The following MAF variants were observed in gnomAD, a reference collection of about 807,000 sequenced individuals.
MAF encodes the protein MAF bZIP transcription factor.
A neutral mutation model predicts 22.0 loss-of-function variants in MAF; 10 were observed. The ratio of observed to expected loss-of-function variants is 0.45; its 90% CI spans 0.28 to 0.77. The LOEUF (loss-of-function observed/expected upper bound fraction) is 0.77. Among genes scored for constraint, MAF ranks in the 30% least tolerant of loss-of-function variants. The pLI is 0.12. For synonymous variants in MAF, 337 were observed against 255.8 expected, an observed-to-expected ratio of 1.32 and a Z score of -3.03; for missense variants, 544 against 548.4, an observed-to-expected ratio of 0.99 and a Z score of 0.08.
the MAF span, among the ~76,000 whole-genome samples, chr16:79,381,579 T>A: frequency 7.8e-4 from 119 of 152,202 alleles, no homozygotes; most frequent in African/African-American, 2.6e-3. Context: ...TAGATGATGC[T>A]CCCCCCATTC....
chr16:79,413,408 T>TC, the MAF span, among the ~76,000 whole-genome samples: 2 of 96,584 alleles, frequency 2.1e-5, no homozygotes, highest in Admixed American at 1.2e-4. Context: ...CTCGCCCGGC[T>TC]AATTTTTTTT....
At chr16:79,332,690 A>G in the MAF span, among the ~76,000 whole-genome samples, 2 of 152,218 alleles carry the variant, frequency 1.3e-5, no homozygotes, top group Non-Finnish European at 2.9e-5. Context: ...CCTTACAGCA[A>G]TGTCATGAGC....
the MAF span, among the ~76,000 whole-genome samples, chr16:79,225,591 C>G: frequency 1.1e-4 from 16 of 152,216 alleles, no homozygotes; most frequent in Middle Eastern, 3.4e-3. Flanking sequence ...GAACAGGAAA[C>G]CTACAGAATG....
the MAF span, among the ~76,000 whole-genome samples, chr16:79,366,269 T>C: frequency 1.5e-3 from 223 of 152,276 alleles, no homozygotes; most frequent in Admixed American, 3.0e-3. Flanking sequence ...AACTGCACAC[T>C]AGACTGTCAT....
chr16:79,331,230 G>A, the MAF span, among the ~76,000 whole-genome samples: 2 of 152,162 alleles, frequency 1.3e-5, no homozygotes, highest in South Asian at 2.1e-4. Context: ...TGCCTGGCCT[G>A]GAAAACTAGA....
At chr16:79,398,629 A>G in the MAF span, among the ~76,000 whole-genome samples, 1 of 152,004 alleles carries the variant, frequency 6.6e-6, no homozygotes, top group African/African-American at 2.4e-5. Context: ...ATTTGTGTCT[A>G]TCTGTATGTG....
chr16:79,327,529 A>T, the MAF span, among the ~76,000 whole-genome samples: 1 of 152,356 alleles, frequency 6.6e-6, no homozygotes. Context: ...TGATTTGACA[A>T]GGTCACATAG....
chr16:79,510,048 T>C, the MAF span, among the ~76,000 whole-genome samples: 2 of 152,174 alleles, frequency 1.3e-5, no homozygotes, highest in Non-Finnish European at 2.9e-5. Flanking sequence ...GTCACTGGAA[T>C]CAGGTTTGTA....
the MAF span, among the ~76,000 whole-genome samples, chr16:79,401,468 A>T: frequency 3.9e-4 from 59 of 152,124 alleles, no homozygotes; most frequent in African/African-American, 1.3e-3. Context: ...TGGCATTTAA[A>T]CCCAGGGTCT....
the MAF span, among the ~76,000 whole-genome samples, chr16:79,491,244 C>A: frequency 1.9e-4 from 29 of 152,156 alleles, no homozygotes; most frequent in Non-Finnish European, 8.8e-5. Flanking sequence ...AGTAATATTA[C>A]AAATGGGGCA....
the MAF span, among the ~76,000 whole-genome samples, chr16:79,453,377 A>T: frequency 1.3e-5 from 2 of 152,204 alleles, no homozygotes; most frequent in African/African-American, 4.8e-5. Flanking sequence ...TTTTAAATTT[A>T]TCAACCAGGA....
chr16:79,357,579 G>T, the MAF span, among the ~76,000 whole-genome samples: 1 of 152,164 alleles, frequency 6.6e-6, no homozygotes, highest in Non-Finnish European at 1.5e-5. Flanking sequence ...GGGAAAGTTT[G>T]CAGTTACTGG....
the MAF span, among the ~76,000 whole-genome samples, chr16:79,328,921 C>A: frequency 4.6e-5 from 7 of 152,148 alleles, no homozygotes; most frequent in African/African-American, 1.7e-4. Context: ...AAGGGCATAA[C>A]TGGGTGCAGA....
chr16:79,345,998 C>G, the MAF span, among the ~76,000 whole-genome samples: 1 of 151,976 alleles, frequency 6.6e-6, no homozygotes, highest in African/African-American at 2.4e-5. Context: ...CATAAATCAG[C>G]AGCTTTTCTA....
At chr16:79,450,514 C>T in the MAF span, among the ~76,000 whole-genome samples, 3 of 152,168 alleles carry the variant, frequency 2.0e-5, no homozygotes, top group East Asian at 5.8e-4. Context: ...GAGGCTTTTC[C>T]CCCAACCCCC....
At chr16:79,593,159 G>T (rs947901055), downstream of MAF, among the ~76,000 whole-genome samples, 1 of 152,170 alleles carries the variant, frequency 6.6e-6, no homozygotes, top group Admixed American at 6.5e-5. Context: ...TATATTGATT[G>T]GCCTAGTAGA....
At chr16:79,476,767 A>C in the MAF span, among the ~76,000 whole-genome samples, 2 of 152,190 alleles carry the variant, frequency 1.3e-5, no homozygotes, top group Non-Finnish European at 2.9e-5. Context: ...TTGGAGTCAC[A>C]TGGTACCAGG....
At chr16:79,327,315 T>C in the MAF span, among the ~76,000 whole-genome samples, 1 of 152,252 alleles carries the variant, frequency 6.6e-6, no homozygotes, top group South Asian at 2.1e-4. Flanking sequence ...GTTTTCTGGG[T>C]AGTTCTCTCA....
At chr16:79,484,743 T>C in the MAF span, among the ~76,000 whole-genome samples, 2 of 152,300 alleles carry the variant, frequency 1.3e-5, no homozygotes, top group South Asian at 4.2e-4. Flanking sequence ...ACTCCACAGC[T>C]AGAGCCGGTG....
Sources: gnomAD v4.1 joint callset for allele counts (sites outside exome capture counted in the v4.1 genomes callset) on GRCh38, gnomAD v4.1.1 for gene constraint, MANE v1.5 for transcripts, NCBI Gene and HGNC (gene_info 2026-07-23, HGNC 2026-07-21) for gene names.